NMD3: variants seen among roughly 807,000 people sequenced by gnomAD.
The protein encoded by NMD3 is NMD3 ribosome export adaptor.
NMD3 carries 47 observed loss-of-function variants against 73.1 expected under a neutral mutation model. That is an observed-to-expected ratio of 0.64 (90% CI 0.51 to 0.82). The LOEUF (loss-of-function observed/expected upper bound fraction) is 0.82, where lower values mean the gene tolerates loss of function less well. Among genes scored for constraint, NMD3 ranks in the 40% least tolerant of loss-of-function variants. The pLI, the probability that NMD3 is intolerant of heterozygous loss-of-function variation, is 0.00. For synonymous variants in NMD3, 210 were observed against 194.5 expected (o/e 1.08, Z -0.66); for missense variants, 554 against 612.5 (o/e 0.90, Z 1.01).
intron 4 of NMD3, among the ~76,000 whole-genome samples, chr3:161,229,280 T>G (rs981232694): frequency 6.6e-6 from 1 of 152,202 alleles, no homozygotes; most frequent in Non-Finnish European, 1.5e-5. Flanking sequence ...GTTTTTAGAA[T>G]GGTTGTAAGG....
intron 11 of NMD3, among the ~76,000 whole-genome samples, chr3:161,245,665 GGTCT>G (rs1236943407): frequency 6.6e-6 from 1 of 151,528 alleles, no homozygotes; most frequent in Non-Finnish European, 1.5e-5. Context: ...CACTTCAGTT[GGTCT>G]GTCTTTGTTG....
intron 1 of NMD3, chr3:161,221,763 G>A (rs917942687): frequency 1.7e-5 from 6 of 354,982 alleles, no homozygotes; most frequent in Non-Finnish European, 3.1e-5. Context: ...GTGGCCCGAG[G>A]GTCTTGCAGC....
chr3:161,239,015 T>G (rs1435708461), intron 9 of NMD3, among the ~76,000 whole-genome samples, 189 bp downstream of exon 9: 1 of 152,154 alleles, frequency 6.6e-6, no homozygotes, highest in Non-Finnish European at 1.5e-5. Context: ...TGCTTATAAT[T>G]ATGAATTGAC....
chr3:161,244,549 A>G lies in NMD3; in HGVS notation c.1018-1787A>G, dbSNP rs1243735997. On this transcript the variant is annotated intron_variant, in intron 11 of 15. Transcript: ENST00000351193. The stretch of plus-strand genomic sequence containing the variant: ...GGTGGTGTCTCTCTTTGTGATTATC[A>G]TTGTGATCTCCTGAAGTATAAGTAT... Among the ~76,000 whole-genome samples, 9 of 151,652 alleles carry G rather than the reference A, an allele frequency of 5.9e-5. No individual in the cohort carries two copies. The East Asian group carries it at 1.5e-3, about 26-fold the overall frequency.
intron 14 of NMD3, 86 bp from the exon 15 acceptor site, chr3:161,250,170 C>A: frequency 1.4e-6 from 1 of 730,766 alleles, no homozygotes; most frequent in Non-Finnish European, 2.3e-6. Context: ...AGCAGTATGT[C>A]TACATAGTCC....
Position 161,249,465 on chromosome 3 carries a change from G to T in NMD3, c.1215G>T (p.Lys405Asn). 4 of 1,600,312 alleles carry T rather than the reference G, an allele frequency of 2.5e-6. No individual in the cohort carries two copies. The highest frequency in any genetic ancestry group is 3.4e-6 in the Non-Finnish European group (4 of 1,173,808). The change falls in exon 14 of 16, where the codon AAG becomes AAT. Residue 405 changes from lysine (K) to asparagine (N), a missense_variant. Coordinates refer to ENST00000351193, the MANE Select transcript of NMD3 (RefSeq NM_015938.5). ...TATTTATCTTGCAGGTATTAATCAA[G>T]AAGAGCTATGACCGGACCAAACGTC... ...SDRVPDVVLI[K>N]KSYDRTKRQR...
At chr3:161,232,872 C>T (rs1198180460) in intron 4 of NMD3, among the ~76,000 whole-genome samples, 1 of 151,630 alleles carries the variant, frequency 6.6e-6, no homozygotes, top group Non-Finnish European at 1.5e-5. Flanking sequence ...CAGATCTTCA[C>T]ATATAGCAAA....
chr3:161,246,828 A>T (rs1698719898), intron 12 of NMD3, among the ~76,000 whole-genome samples: 1 of 152,222 alleles, frequency 6.6e-6, no homozygotes, highest in Non-Finnish European at 1.5e-5. Flanking sequence ...GTAAAGGCAT[A>T]GATCAGTTCT....
intron 4 of NMD3, among the ~76,000 whole-genome samples, chr3:161,231,188 GGAGGAAT>G (rs1218654185): frequency 6.6e-6 from 1 of 152,220 alleles, no homozygotes; most frequent in East Asian, 1.9e-4. Flanking sequence ...AAGCTAGTGA[GGAGGAAT>G]GAGGAATAAA....
intron 9 of NMD3, 46 bp downstream of exon 9, chr3:161,238,872 T>A: frequency 1.1e-6 from 1 of 914,138 alleles, no homozygotes; most frequent in Non-Finnish European, 1.7e-6. Flanking sequence ...AGAGTACAAG[T>A]AATTAATTGG....
At chr3:161,226,950 A>G (rs551408300) in intron 3 of NMD3, among the ~76,000 whole-genome samples, 2 of 152,344 alleles carry the variant, frequency 1.3e-5, no homozygotes, top group South Asian at 2.1e-4. Flanking sequence ...TTTTCAGAGC[A>G]TAGCTTTAAG....
intron 9 of NMD3, among the ~76,000 whole-genome samples, chr3:161,239,627 C>A (rs188524215): frequency 5.3e-5 from 8 of 152,202 alleles, no homozygotes; most frequent in African/African-American, 1.4e-4. Context: ...GATAACTTGC[C>A]CAAAGTTACA....
At chr3:161,228,953 C>A (rs187616108) in intron 4 of NMD3, among the ~76,000 whole-genome samples, 28 of 152,222 alleles carry the variant, frequency 1.8e-4, no homozygotes, top group African/African-American at 6.5e-4. Flanking sequence ...GGGGAGGGCT[C>A]ACTGATAGGG....
At chr3:161,252,544 TGTC>T (rs946712187), downstream of NMD3, among the ~76,000 whole-genome samples, 3 of 152,312 alleles carry the variant, frequency 2.0e-5, no homozygotes, top group Admixed American at 2.0e-4. Context: ...AGAGAAAAGC[TGTC>T]ATCCAAGAGC....
chr3:161,240,995 G>A (rs1336919349), intron 9 of NMD3, 51 bp from the exon 10 acceptor site: 1 of 1,128,724 alleles, frequency 8.9e-7, no homozygotes, highest in Non-Finnish European at 1.3e-6. Flanking sequence ...AGTGTTTATT[G>A]GACTGTTATT....
chr3:161,243,498 A>T (rs1737071777), intron 11 of NMD3, among the ~76,000 whole-genome samples: 1 of 152,146 alleles, frequency 6.6e-6, no homozygotes. Context: ...ATTGGAGACC[A>T]CTCATTAAAT....
downstream of NMD3, chr3:161,252,327 T>C (rs1190522104): frequency 6.6e-6 from 1 of 152,264 alleles, no homozygotes; most frequent in East Asian, 1.9e-4. Context: ...TGGTGTCATA[T>C]TTACATGAGA....
intron 5 of NMD3, among the ~76,000 whole-genome samples, chr3:161,234,422 C>A (rs558645185): frequency 1.4e-5 from 2 of 142,028 alleles, no homozygotes; most frequent in African/African-American, 2.7e-5. Context: ...CAGAGTGAGA[C>A]CCTGTCTCAA....
rs1037884560 is a variant in NMD3 at position 161,221,357 on chromosome 3, G to A, written c.-73G>A. ...GTTGGCAGCTGACGGGACAGCCGGG[G>A]TCTATTTTGTTGCGGGTTTTCAGCA... On this transcript the variant is annotated 5_prime_UTR_variant, in exon 1 of 16. Transcript: ENST00000351193. The A allele has an allele frequency of 6.6e-6, 1 of 152,310 alleles. No individual in the cohort carries two copies. Among genetic ancestry groups the A allele is most frequent in the African/African-American group, 2.4e-5 (1 of 41,464 alleles). The allele number at this position is 152,310 out of a possible 1,614,324, so 9.4% of individuals were successfully genotyped here.
Sources: gnomAD v4.1 joint callset for allele counts (sites outside exome capture counted in the v4.1 genomes callset) on GRCh38, gnomAD v4.1.1 for gene constraint, MANE v1.5 for transcripts, NCBI Gene and HGNC (gene_info 2026-07-23, HGNC 2026-07-21) for gene names.